Variants in APPL2 observed in about 807,000 individuals in gnomAD.
The protein encoded by APPL2 is DCC-interacting protein 13-beta.
A neutral mutation model predicts 92.7 loss-of-function variants in APPL2; 84 were observed. The observed-to-expected ratio is 0.91, with a 90% CI of 0.76 to 1.09. The LOEUF (loss-of-function observed/expected upper bound fraction) is 1.09. APPL2 is among the 50% of genes least tolerant of loss of function. The pLI, the probability that APPL2 is intolerant of heterozygous loss-of-function variation, is 0.00. For missense variants in APPL2, 736 were observed against 824.5 expected (o/e 0.89, Z 1.31); for synonymous variants, 291 against 291.0 (o/e 1.00, Z 0.00).
At chr12:105,221,199 C>T (rs562225872) in intron 2 of APPL2, among the ~76,000 whole-genome samples, 1 of 152,338 alleles carries the variant, frequency 6.6e-6, no homozygotes, top group East Asian at 1.9e-4. Flanking sequence ...AATATCTCTA[C>T]AACAGGACTT....
chr12:105,218,195 G>A (rs1889843136), intron 2 of APPL2, among the ~76,000 whole-genome samples: 1 of 152,164 alleles, frequency 6.6e-6, no homozygotes, highest in Non-Finnish European at 1.5e-5. Flanking sequence ...GTGTGTGCCT[G>A]TCAAATAATA....
At chr12:105,233,256 A>T in intron 1 of APPL2, 1 of 985,452 alleles carries the variant, frequency 1.0e-6, no homozygotes. Flanking sequence ...ATTTATCTTC[A>T]CATTCCCAAC....
chr12:105,213,563 A>C (rs1889392626), intron 4 of APPL2, among the ~76,000 whole-genome samples: 1 of 152,104 alleles, frequency 6.6e-6, no homozygotes, highest in Non-Finnish European at 1.5e-5. Flanking sequence ...TGGTCCAGAA[A>C]CTCTGCTTTT....
chr12:105,232,056 C>G (rs976789884), intron 1 of APPL2, among the ~76,000 whole-genome samples: 1 of 152,206 alleles, frequency 6.6e-6, no homozygotes, highest in African/African-American at 2.4e-5. Context: ...CAACAGCAAT[C>G]ATTTATGGGG....
Position 105,217,676 on chromosome 12 carries a change from T to C in APPL2, c.203A>G (p.Tyr68Cys), listed in dbSNP as rs774123818. The C allele has an allele frequency of 1.2e-5, 20 of 1,613,936 alleles. No individual in the cohort carries two copies. Among genetic ancestry groups the C allele is most frequent in the African/African-American group, 2.7e-5 (2 of 74,942 alleles). The change falls in exon 3 of 21, where the codon TAT (tyrosine) becomes TGT (cysteine). Residue 68 changes from tyrosine (Y) to cysteine (C), a missense_variant. Tyr to Cys is a radical substitution (Grantham distance 194). Transcript: ENST00000258530. ...TAAATACCAAGTTACCTGTTTTTCA[T>C]ATGCCAGCAGTTGCTTAGAAAGCTG... is the stretch of plus-strand genomic sequence containing the variant. ...TQQLSKQLLA[Y>C]EKQNFALGKG...
At chr12:105,210,194 T>G (rs913080085) in intron 5 of APPL2, among the ~76,000 whole-genome samples, 1 of 151,948 alleles carries the variant, frequency 6.6e-6, no homozygotes, top group African/African-American at 2.4e-5. Flanking sequence ...TCTCCTGACC[T>G]AGTGATCCGC....
rs1234564228 is a variant in APPL2 at position 105,174,274 on chromosome 12, T to G, written c.*40A>C. ...GACGTTAAAACCCTTAGGAGGTAGC[T>G]CTCCTTCCTGTTTGCTCTTCCCCCA... On this transcript the variant is annotated 3_prime_UTR_variant, in exon 21 of 21. Coordinates refer to ENST00000258530, the MANE Select transcript of APPL2 (RefSeq NM_018171.5). 6.2e-7 allele frequency: 1 copy of G among 1,608,062 alleles called. No individual in the cohort carries two copies. Among genetic ancestry groups the G allele is most frequent in the African/African-American group, 1.3e-5 (1 of 74,784 alleles).
At chr12:105,208,297 C>T in intron 5 of APPL2, 98 bp from the exon 6 acceptor site, 13 of 1,445,366 alleles carry the variant, frequency 9.0e-6, no homozygotes, top group Non-Finnish European at 1.3e-5. Context: ...AATATGCGTG[C>T]AAGGGAAGCC....
At chr12:105,218,704 G>A (rs1889881854) in intron 2 of APPL2, among the ~76,000 whole-genome samples, 1 of 152,192 alleles carries the variant, frequency 6.6e-6, no homozygotes, top group South Asian at 2.1e-4. Context: ...CACACATACT[G>A]GAAGCACAGT....
chr12:105,228,057 G>C (rs1276396787), intron 2 of APPL2, among the ~76,000 whole-genome samples: 5 of 152,102 alleles, frequency 3.3e-5, no homozygotes, highest in Admixed American at 3.3e-4. Context: ...CTCCCCAACG[G>C]CAAGGACTGA....
At chr12:105,209,644 A>G (rs1396923670) in intron 5 of APPL2, among the ~76,000 whole-genome samples, 1 of 152,242 alleles carries the variant, frequency 6.6e-6, no homozygotes, top group Non-Finnish European at 1.5e-5. Context: ...GATTTTATTT[A>G]GAGAAAACCC....
At chr12:105,184,477 A>G (rs1473907596) in intron 17 of APPL2, among the ~76,000 whole-genome samples, 1 of 152,122 alleles carries the variant, frequency 6.6e-6, no homozygotes, top group Non-Finnish European at 1.5e-5. Flanking sequence ...TGTTGATGCT[A>G]TAGCTTTCTG....
chr12:105,207,270 G>A (rs931835685), intron 7 of APPL2, 63 bp from the exon 8 acceptor site: 10 of 1,496,726 alleles, frequency 6.7e-6, no homozygotes, highest in Non-Finnish European at 8.1e-6. Flanking sequence ...CTGTAAAAGC[G>A]TGTGCTTCAA....
chr12:105,209,571 GATT>G (rs2136015919), intron 5 of APPL2, among the ~76,000 whole-genome samples: 1 of 152,254 alleles, frequency 6.6e-6, no homozygotes, highest in Non-Finnish European at 1.5e-5. Flanking sequence ...CTTAGGAGAT[GATT>G]ATTTTCTTTC....
chr12:105,174,944 T>TAA (rs1266275908), intron 20 of APPL2, among the ~76,000 whole-genome samples: 1 of 148,194 alleles, frequency 6.7e-6, no homozygotes, highest in Non-Finnish European at 1.5e-5. Flanking sequence ...AGAGCAGTGG[T>TAA]ATGATCTCAG....
intron 17 of APPL2, among the ~76,000 whole-genome samples, chr12:105,184,424 T>C (rs952751903): frequency 3.3e-5 from 5 of 152,248 alleles, no homozygotes; most frequent in African/African-American, 9.6e-5. Context: ...TTGATGCTGG[T>C]GACCTTTGGG....
chr12:105,181,990 T>C (rs974831328), intron 17 of APPL2, among the ~76,000 whole-genome samples: 1 of 152,202 alleles, frequency 6.6e-6, no homozygotes, highest in African/African-American at 2.4e-5. Context: ...TAGTTATTTC[T>C]TGTCTTCTGC....
rs111651648 is a variant in APPL2, at chr12:105,235,889, A to G, written c.54+70T>C. 2.5e-6 allele frequency: 3 copies of G among 1,191,244 alleles called. No individual in the cohort carries two copies. The African/African-American group carries it at 4.8e-5, about 19-fold the overall frequency. 73.8% of individuals were successfully genotyped at this position (1,191,244 alleles called of 1,614,324 possible). On this transcript the variant is annotated intron_variant, in intron 1 of 20. Coordinates refer to ENST00000258530, the MANE Select transcript of APPL2 (RefSeq NM_018171.5). ...CTGCCCGGCCGGGGGCGCGGCCTCC[A>G]CTCCGGGGCTGGAGGGGCCTCCTCG... is the stretch of plus-strand genomic sequence containing the variant.
intron 10 of APPL2, among the ~76,000 whole-genome samples, chr12:105,198,386 G>A (rs1887853541): frequency 6.6e-6 from 1 of 152,172 alleles, no homozygotes; most frequent in Non-Finnish European, 1.5e-5. Flanking sequence ...ACTGGATTTT[G>A]CTGTAATTGA....
Sources: allele counts gnomAD v4.1 joint callset (sites outside exome capture counted in the v4.1 genomes callset), GRCh38; gene constraint gnomAD v4.1.1; transcripts MANE v1.5; gene names NCBI Gene and HGNC (gene_info 2026-07-23, HGNC 2026-07-21).